Variants in INTS9 observed in about 807,000 individuals in gnomAD.
INTS9 encodes the protein integrator complex subunit 9.
In INTS9, 55 loss-of-function variants were observed where a neutral mutation model predicts 79.7. The ratio of observed to expected loss-of-function variants is 0.69; its 90% CI spans 0.56 to 0.86. INTS9 has a LOEUF of 0.86. Among genes scored for constraint, INTS9 ranks in the 40% least tolerant of loss-of-function variants. INTS9 has a pLI of 0.00. For synonymous variants in INTS9, 319 were observed against 325.2 expected, an observed-to-expected ratio of 0.98 and a Z score of 0.20; for missense variants, 721 against 831.5, an observed-to-expected ratio of 0.87 and a Z score of 1.64.
intron 6 of INTS9, among the ~76,000 whole-genome samples, chr8:28,826,946 C>G (rs1206475401): frequency 6.6e-6 from 1 of 152,184 alleles, no homozygotes; most frequent in Non-Finnish European, 1.5e-5. Context: ...CTGACATCCT[C>G]TTTTATTCTT....
At chr8:28,888,279 T>G (rs1177856472) in intron 1 of INTS9, among the ~76,000 whole-genome samples, 2 of 152,166 alleles carry the variant, frequency 1.3e-5, no homozygotes, top group East Asian at 3.9e-4. Flanking sequence ...GGACCAGGCA[T>G]GGTGGCTCAT....
rs1585535115 is a variant in INTS9 at position 28,881,666 on chromosome 8, C to T, written c.9+8208G>A. On this transcript the variant is annotated intron_variant, in intron 1 of 16. Transcript: ENST00000521022. ...CCGCCCCTACTGGGAAGTGAGGAGC[C>T]CCTCTGCCCGGCCAGCCGCCCCGTC... is the stretch of plus-strand genomic sequence containing the variant. Among the ~76,000 whole-genome samples the T allele has an allele frequency of 2.5e-5, 3 of 122,422 alleles. No homozygotes were observed. In the East Asian group the frequency reaches 8.1e-4, roughly 33 times the overall value. 80.3% of individuals were successfully genotyped at this position (122,422 alleles called of 152,430 possible). A position where few individuals can be genotyped will look rare whatever the true frequency, so the allele number is the denominator to read the frequency against.
At chr8:28,889,279 G>A (rs1810429779) in intron 1 of INTS9, among the ~76,000 whole-genome samples, 1 of 152,154 alleles carries the variant, frequency 6.6e-6, no homozygotes, top group African/African-American at 2.4e-5. Flanking sequence ...GGCTCATGAA[G>A]TCCCTACAGT....
intron 8 of INTS9, among the ~76,000 whole-genome samples, chr8:28,801,226 G>A (rs536144072): frequency 5.9e-5 from 9 of 152,178 alleles, no homozygotes; most frequent in Admixed American, 3.9e-4. Context: ...GGTGGCTCAC[G>A]CCTATAATCC....
chr8:28,854,423 G>A (rs1057501403), intron 2 of INTS9, among the ~76,000 whole-genome samples: 20 of 152,038 alleles, frequency 1.3e-4, no homozygotes, highest in African/African-American at 4.8e-4. Context: ...CACACAGAAA[G>A]GGCACTTTTG....
chr8:28,811,867 G>A (rs940272709), intron 8 of INTS9, among the ~76,000 whole-genome samples: 3 of 152,046 alleles, frequency 2.0e-5, no homozygotes, highest in African/African-American at 7.3e-5. Flanking sequence ...AAATGACCAG[G>A]CACTTTATTT....
At position 28,770,951 on chromosome 8, in the gene INTS9, G is replaced by A. The variant is rs781131172; in HGVS notation, c.1662+31C>T. Reference sequence around the variant, plus strand: ...GGTCTGGTTTCTTGCTGGGGAGAGGGTCCCCTGCACTCCCACCCAGCACCC... The same window carrying A: ...GGTCTGGTTTCTTGCTGGGGAGAGGATCCCCTGCACTCCCACCCAGCACCC... On this transcript the variant is annotated intron_variant, in intron 15 of 16. Coordinates refer to ENST00000521022, the MANE Select transcript of INTS9 (RefSeq NM_018250.4). The A allele has an allele frequency of 5.3e-6, 8 of 1,509,784 alleles. No homozygotes were observed. In the African/African-American group the frequency reaches 6.9e-5, roughly 13 times the overall value. 93.5% of individuals were successfully genotyped at this position (1,509,784 alleles called of 1,614,324 possible).
At chr8:28,879,785 T>C (rs994387693) in intron 1 of INTS9, among the ~76,000 whole-genome samples, 3 of 152,130 alleles carry the variant, frequency 2.0e-5, no homozygotes, top group African/African-American at 7.2e-5. Context: ...TCAGAAACAT[T>C]ACACCAAATG....
intron 6 of INTS9, among the ~76,000 whole-genome samples, chr8:28,825,582 T>C (rs1806099355): frequency 6.6e-6 from 1 of 152,204 alleles, no homozygotes; most frequent in Non-Finnish European, 1.5e-5. Flanking sequence ...CAGCCTCCCC[T>C]TTCCATCTAG....
In INTS9 at chr8:28,770,976, C is replaced by T. The variant is rs776183287; in HGVS notation, c.1662+6G>A. 4 of 1,611,132 alleles carry T rather than the reference C, an allele frequency of 2.5e-6. No individual in the cohort carries two copies. In the African/African-American group the frequency reaches 4.0e-5, roughly 16 times the overall value. On this transcript the variant is annotated splice_donor_region_variant and intron_variant, in intron 15 of 16. Coordinates refer to ENST00000521022, the MANE Select transcript of INTS9 (RefSeq NM_018250.4). ...GTCCCCTGCACTCCCACCCAGCACCCCCTACCTGAAGCAAGTGCTTGTTAT... is the reference window on the plus strand; with the variant it reads ...GTCCCCTGCACTCCCACCCAGCACCTCCTACCTGAAGCAAGTGCTTGTTAT...
chr8:28,829,911 C>G (rs1052465704), intron 6 of INTS9, among the ~76,000 whole-genome samples: 3 of 152,122 alleles, frequency 2.0e-5, no homozygotes, highest in Admixed American at 1.3e-4. Flanking sequence ...AGTCAGCTGC[C>G]CCTATACAGA....
chr8:28,837,832 G>A (rs1806904863), intron 4 of INTS9, 56 bp from the exon 5 acceptor site: 1 of 1,517,614 alleles, frequency 6.6e-7, no homozygotes, highest in African/African-American at 1.4e-5. Context: ...TCAATATGAT[G>A]TGACTAAAAA....
intron 1 of INTS9, 169 bp downstream of exon 1, chr8:28,889,705 A>C: frequency 1.5e-6 from 1 of 650,360 alleles, no homozygotes; most frequent in Non-Finnish European, 2.6e-6. Flanking sequence ...GGGAGAGGGA[A>C]TTCAAACCTT....
chr8:28,773,437 T>C (rs1167409053), intron 14 of INTS9, among the ~76,000 whole-genome samples: 30 of 140,030 alleles, frequency 2.1e-4, no homozygotes, highest in Non-Finnish European at 3.2e-4. Context: ...GCACTCCAGC[T>C]TGGGTGACAG....
rs73552966 is a variant in INTS9, at chr8:28,836,358, T to C, written c.402-980A>G. Among the ~76,000 whole-genome samples the C allele has an allele frequency of 5.6e-3, 860 of 152,312 alleles. 9 individuals are homozygous for C. The highest frequency in any genetic ancestry group is 0.019 in the African/African-American group (805 of 41,562). On this transcript the variant is annotated intron_variant, in intron 5 of 16. Transcript: ENST00000521022. The stretch of plus-strand genomic sequence containing the variant: ...ACAGGACAGAGAACTGCGGGAATTC[T>C]TGATGGCCAGAGGATGACCACAAAG...
intron 1 of INTS9, among the ~76,000 whole-genome samples, chr8:28,884,880 C>T (rs2131397247): frequency 6.6e-6 from 1 of 152,300 alleles, no homozygotes; most frequent in Non-Finnish European, 1.5e-5. Context: ...TTCCTGTTTT[C>T]ATGTACAACC....
intron 14 of INTS9, among the ~76,000 whole-genome samples, chr8:28,775,461 G>C (rs865896155): frequency 1.4e-4 from 21 of 152,080 alleles, no homozygotes; most frequent in South Asian, 2.1e-4. Flanking sequence ...TCAGCCTCAC[G>C]AGTAGCTGGG....
chr8:28,829,547 T>C (rs147218570), intron 6 of INTS9, among the ~76,000 whole-genome samples: 2 of 152,374 alleles, frequency 1.3e-5, no homozygotes, highest in African/African-American at 4.8e-5. Context: ...TGTCAGATTC[T>C]TCTGAGTTTG....
intron 14 of INTS9, among the ~76,000 whole-genome samples, chr8:28,772,699 C>T (rs572237504): frequency 8.6e-5 from 13 of 151,900 alleles, no homozygotes; most frequent in Admixed American, 2.0e-4. Flanking sequence ...CCCAGATACT[C>T]GGGAGGCTGA....
Sources: allele counts gnomAD v4.1 joint callset (sites outside exome capture counted in the v4.1 genomes callset), GRCh38; gene constraint gnomAD v4.1.1; transcripts MANE v1.5; gene names NCBI Gene and HGNC (gene_info 2026-07-23, HGNC 2026-07-21).